The following TCEA1 variants were observed in gnomAD, a reference collection of about 807,000 sequenced individuals.
TCEA1 encodes the protein transcription elongation factor A protein 1.
In TCEA1, 21 loss-of-function variants were observed where a neutral mutation model predicts 43.8. That is an observed-to-expected ratio of 0.48 (90% CI 0.34 to 0.69). TCEA1 has a LOEUF of 0.69. Ranked by LOEUF, TCEA1 falls within the 30% of genes least tolerant of loss-of-function variation. The pLI, the probability that TCEA1 is intolerant of heterozygous loss-of-function variation, is 0.01. For synonymous variants in TCEA1, 104 were observed against 117.5 expected (o/e 0.88, Z 0.75); for missense variants, 250 against 365.1 (o/e 0.68, Z 2.57).
At position 53,968,018 on chromosome 8, in the gene TCEA1, A is replaced by G. The variant is rs1226783323; in HGVS notation, c.*86T>C. 4 of 1,254,812 alleles carry G rather than the reference A, an allele frequency of 3.2e-6. No individual in the cohort carries two copies. The highest frequency in any genetic ancestry group is 4.4e-6 in the Non-Finnish European group (4 of 906,584). The allele number at this position is 1,254,812 out of a possible 1,614,324, so 77.7% of individuals were successfully genotyped here. A position where few individuals can be genotyped will look rare whatever the true frequency, so the allele number is the denominator to read the frequency against. On this transcript the variant is annotated 3_prime_UTR_variant, in exon 10 of 10. Coordinates refer to ENST00000521604, the MANE Select transcript of TCEA1 (RefSeq NM_006756.4). ...AAGTTGCTTTAAAAATTTGATTTGC[A>G]GGAAAACTAGTTGCTTGGCCTAGTT... is the stretch of plus-strand genomic sequence containing the variant.
At chr8:53,978,928 G>A in intron 8 of TCEA1, 97 bp downstream of exon 8, 2 of 1,372,160 alleles carry the variant, frequency 1.5e-6, no homozygotes, top group Admixed American at 2.4e-5. Flanking sequence ...GGATAAGTGA[G>A]GGACTATCAT....
chr8:53,982,835 A>G (rs1803555663), intron 7 of TCEA1, among the ~76,000 whole-genome samples: 1 of 152,202 alleles, frequency 6.6e-6, no homozygotes, highest in African/African-American at 2.4e-5. Flanking sequence ...AAATGACAGC[A>G]AAGGATTTAG....
chr8:54,011,470 A>C (rs1172082453), intron 1 of TCEA1, among the ~76,000 whole-genome samples: 1 of 152,246 alleles, frequency 6.6e-6, no homozygotes, highest in East Asian at 1.9e-4. Flanking sequence ...ATTTCCTTCC[A>C]AGCCAATGAC....
chr8:53,972,919 T>C, intron 8 of TCEA1: 1 of 672,594 alleles, frequency 1.5e-6, no homozygotes, highest in Admixed American at 1.9e-5. Flanking sequence ...GCCTCAGAGG[T>C]GTATTTAACA....
At chr8:54,004,686 G>C (rs571262925) in intron 2 of TCEA1, among the ~76,000 whole-genome samples, 1 of 152,058 alleles carries the variant, frequency 6.6e-6, no homozygotes, top group South Asian at 2.1e-4. Flanking sequence ...AAAGTTAATT[G>C]TGGTGATAGT....
chr8:53,977,385 T>C (rs376503409), intron 8 of TCEA1, among the ~76,000 whole-genome samples: 53 of 152,278 alleles, frequency 3.5e-4, no homozygotes, highest in African/African-American at 1.2e-3. Flanking sequence ...CACAACAAAC[T>C]AGTAACCTTG....
rs937121648 is a variant in TCEA1 at position 54,011,271 on chromosome 8, T to C, written c.64-779A>G. On this transcript the variant is annotated intron_variant, in intron 1 of 9. Transcript: ENST00000521604. ...TTTGACTCAGATTCAACAGTATCTGTTTTTACCCCACAAAGAGCTGTTTAA... is the reference window on the plus strand; with the variant it reads ...TTTGACTCAGATTCAACAGTATCTGCTTTTACCCCACAAAGAGCTGTTTAA... 3.9e-5 allele frequency among the ~76,000 whole-genome samples: 6 copies of C among 152,182 alleles called. 1 individual carries two copies. Among genetic ancestry groups the C allele is most frequent in the Admixed American group, 1.3e-4 (2 of 15,280 alleles).
intron 4 of TCEA1, among the ~76,000 whole-genome samples, chr8:53,988,465 C>T (rs1010527197): frequency 1.3e-5 from 2 of 151,976 alleles, no homozygotes; most frequent in Admixed American, 6.6e-5. Context: ...GACAAGTATG[C>T]CTTTTTTTTG....
chr8:54,003,814 T>G (rs1199713200), intron 2 of TCEA1, among the ~76,000 whole-genome samples: 1 of 151,824 alleles, frequency 6.6e-6, no homozygotes, highest in Non-Finnish European at 1.5e-5. Context: ...AAAACTTTTG[T>G]GCTTCAATGA....
At chr8:54,009,613 G>A (rs1804585141) in intron 2 of TCEA1, 1 of 152,184 alleles carries the variant, frequency 6.6e-6, no homozygotes, top group Non-Finnish European at 1.5e-5. Flanking sequence ...AGCTAAAACA[G>A]TGAGCCTCAC....
chr8:54,012,962 C>CA (rs72062714), intron 1 of TCEA1, among the ~76,000 whole-genome samples: 7,237 of 76,850 alleles, frequency 0.094, 505 homozygotes, highest in African/African-American at 0.23. Flanking sequence ...ACGACGACGA[C>CA]AAAAAAAAAA....
intron 3 of TCEA1, 200 bp downstream of exon 3, chr8:53,999,745 C>T (rs1367725884): frequency 2.4e-5 from 11 of 450,520 alleles, no homozygotes; most frequent in African/African-American, 4.0e-5. Context: ...GTTAAGAAAG[C>T]CAAATTTGAC....
chr8:53,979,003 G>T (rs773009388), intron 8 of TCEA1, 22 bp downstream of exon 8: 2 of 1,574,804 alleles, frequency 1.3e-6, no homozygotes, highest in Non-Finnish European at 1.7e-6. Flanking sequence ...ATAAAAATAA[G>T]AATCTATAAA....
chr8:53,994,883 A>T (rs963444085), intron 3 of TCEA1, among the ~76,000 whole-genome samples: 1 of 151,272 alleles, frequency 6.6e-6, no homozygotes, highest in Non-Finnish European at 1.5e-5. Context: ...AAAAAAAAAG[A>T]GGTAAGCAAT....
chr8:54,018,818 T>A (rs1027132537), intron 1 of TCEA1, among the ~76,000 whole-genome samples: 1 of 152,202 alleles, frequency 6.6e-6, no homozygotes, highest in Non-Finnish European at 1.5e-5. Context: ...AAGTTCATAC[T>A]CTTACTTCCT....
chr8:53,976,469 T>C (rs1803335759), intron 8 of TCEA1, among the ~76,000 whole-genome samples: 1 of 152,234 alleles, frequency 6.6e-6, no homozygotes, highest in African/African-American at 2.4e-5. Flanking sequence ...GTTACACTTA[T>C]TTCTTTTACA....
chr8:53,974,962 G>A (rs1048776760), intron 8 of TCEA1, among the ~76,000 whole-genome samples: 2 of 151,950 alleles, frequency 1.3e-5, no homozygotes, highest in African/African-American at 4.8e-5. Flanking sequence ...GGGAGCAGGA[G>A]GCAGATTTAA....
rs567039945 is a variant in TCEA1, at chr8:53,992,754, A to G, written c.320+914T>C. 5.9e-5 allele frequency among the ~76,000 whole-genome samples: 9 copies of G among 152,298 alleles called. No individual in the cohort carries two copies. The South Asian group carries it at 6.2e-4, about 11-fold the overall frequency. On this transcript the variant is annotated intron_variant, in intron 4 of 9. Transcript: ENST00000521604. The stretch of plus-strand genomic sequence containing the variant: ...TTTCAAGAACCATTGCTTTAAATCA[A>G]TGTTGACTGTTAACCTACCAGCTTC...
At chr8:53,968,462 AAATTC>A (rs1777628744) in intron 9 of TCEA1, among the ~76,000 whole-genome samples, 1 of 152,160 alleles carries the variant, frequency 6.6e-6, no homozygotes. Context: ...GAACTTTCTT[AAATTC>A]AATTAAGTAC....
Sources: gnomAD v4.1 joint callset for allele counts (sites outside exome capture counted in the v4.1 genomes callset) on GRCh38, gnomAD v4.1.1 for gene constraint, MANE v1.5 for transcripts, NCBI Gene and HGNC (gene_info 2026-07-23, HGNC 2026-07-21) for gene names.